Variants in CNR2 observed in about 807,000 individuals in gnomAD.
The protein encoded by CNR2 is cannabinoid receptor 2 (macrophage).
For missense variants in CNR2, 379 were observed against 439.9 expected (o/e 0.86, Z 1.24); for synonymous variants, 172 against 182.2 (o/e 0.94, Z 0.45).
intron 1 of CNR2, among the ~76,000 whole-genome samples, chr1:23,911,716 C>G (rs377608008): frequency 2.0e-4 from 31 of 152,272 alleles, no homozygotes; most frequent in African/African-American, 7.2e-4. Flanking sequence ...CTCTGCTTGG[C>G]TGAGCCAGGC....
intron 1 of CNR2, among the ~76,000 whole-genome samples, chr1:23,903,600 C>A (rs933275130): frequency 2.7e-4 from 39 of 144,110 alleles, no homozygotes; most frequent in Middle Eastern, 3.6e-3. Flanking sequence ...AAAAGCATTT[C>A]TTTTTAACGT....
rs754091476 is a variant in CNR2 at position 23,874,875 on chromosome 1, C to T, written c.743G>A (p.Gly248Glu). The T allele has an allele frequency of 2.5e-6, 4 of 1,614,036 alleles. No individual in the cohort carries two copies. The South Asian group carries it at 3.3e-5, about 13-fold the overall frequency. The change falls in exon 2 of 2, where the codon GGG becomes GAG. Residue 248 changes from glycine to glutamate, a missense_variant. By Grantham distance (98) the Gly-to-Glu change is moderately conservative. Coordinates refer to ENST00000374472, the MANE Select transcript of CNR2 (RefSeq NM_001841.3). ...RLDVRLAKTL[G>E]LVLAVLLICW... is the part of the protein sequence containing the mutation. ...GATGAGGAGCACAGCCAACACTAGC[C>T]CTAGGGTCTTGGCCAACCTCACATC...
In CNR2 at chr1:23,873,803, C is replaced by T. The variant is rs1639809571; in HGVS notation, c.*732G>A. ...ACATTGCCTGCTTCCAGCAGCACCACCAGGACTGCTGCTGGAAGGACTTCA... is the reference window on the plus strand; with the variant it reads ...ACATTGCCTGCTTCCAGCAGCACCATCAGGACTGCTGCTGGAAGGACTTCA... On this transcript the variant is annotated 3_prime_UTR_variant, in exon 2 of 2. Coordinates refer to ENST00000374472, the MANE Select transcript of CNR2 (RefSeq NM_001841.3). 1.3e-5 allele frequency: 2 copies of T among 152,122 alleles called. No homozygotes were observed. 9.4% of individuals were successfully genotyped at this position (152,122 alleles called of 1,614,324 possible).
intron 1 of CNR2, among the ~76,000 whole-genome samples, chr1:23,895,655 C>T (rs199752359): frequency 7.9e-4 from 120 of 152,222 alleles, no homozygotes; most frequent in Middle Eastern, 3.4e-3. Flanking sequence ...TACAGGTGCG[C>T]GCCACCACAC....
chr1:23,902,087 G>A (rs1640409378), intron 1 of CNR2: 1 of 1,509,762 alleles, frequency 6.6e-7, no homozygotes, highest in Non-Finnish European at 9.2e-7. Flanking sequence ...GTTGGAATTC[G>A]GATCAGATAG....
intron 1 of CNR2, among the ~76,000 whole-genome samples, chr1:23,881,567 G>C: frequency 7.0e-6 from 1 of 143,570 alleles, no homozygotes; most frequent in East Asian, 2.1e-4. Context: ...CTGGGCAACA[G>C]AGTGAAACCC....
chr1:23,903,085 C>CGGA (rs977045593), intron 1 of CNR2, among the ~76,000 whole-genome samples: 1 of 151,702 alleles, frequency 6.6e-6, no homozygotes, highest in African/African-American at 2.4e-5. Context: ...TCATGGGCGG[C>CGGA]GGCGGCGGCG....
chr1:23,887,187 C>T (rs921725012), intron 1 of CNR2, among the ~76,000 whole-genome samples: 1 of 152,202 alleles, frequency 6.6e-6, no homozygotes, highest in East Asian at 1.9e-4. Flanking sequence ...CAGCTCACCT[C>T]TCCACCCTGG....
chr1:23,876,275 C>T (rs1255490447), intron 1 of CNR2, among the ~76,000 whole-genome samples: 9 of 151,056 alleles, frequency 6.0e-5, no homozygotes, highest in South Asian at 2.1e-4. Flanking sequence ...GGTGTGATCT[C>T]GGCTCACTGT....
chr1:23,906,259 G>A (rs1007206356), intron 1 of CNR2, among the ~76,000 whole-genome samples: 15 of 151,968 alleles, frequency 9.9e-5, no homozygotes, highest in African/African-American at 2.4e-4. Flanking sequence ...GTGTTCTCTC[G>A]TGCAAATTAC....
chr1:23,890,628 C>T (rs1471212637), intron 1 of CNR2, among the ~76,000 whole-genome samples: 1 of 151,810 alleles, frequency 6.6e-6, no homozygotes, highest in Non-Finnish European at 1.5e-5. Flanking sequence ...TCTTGTAATC[C>T]CAGCTACTCG....
At chr1:23,909,285 T>C (rs1014171759) in intron 1 of CNR2, among the ~76,000 whole-genome samples, 5 of 152,072 alleles carry the variant, frequency 3.3e-5, no homozygotes, top group African/African-American at 1.2e-4. Context: ...ACATCCTTTC[T>C]CTCCCCAGGA....
intron 1 of CNR2, among the ~76,000 whole-genome samples, chr1:23,905,480 A>C (rs1310913058): frequency 6.6e-6 from 1 of 150,568 alleles, no homozygotes; most frequent in Admixed American, 6.6e-5. Flanking sequence ...GCGCCCAGCC[A>C]TCTTTGCACT....
intron 1 of CNR2, chr1:23,901,521 C>G: frequency 3.1e-6 from 5 of 1,602,092 alleles, no homozygotes; most frequent in South Asian, 1.1e-5. Flanking sequence ...ACCCCAGTCC[C>G]GTTGGTGCTG....
At chr1:23,902,156 T>C (rs976743582) in intron 1 of CNR2, 3 of 1,417,640 alleles carry the variant, frequency 2.1e-6, no homozygotes, top group Non-Finnish European at 3.0e-6. Flanking sequence ...CCCTGCCTCT[T>C]GCACTCTGCC....
intron 1 of CNR2, among the ~76,000 whole-genome samples, chr1:23,900,447 GAC>G (rs1640378904): frequency 1.3e-5 from 2 of 151,220 alleles, no homozygotes; most frequent in Non-Finnish European, 2.9e-5. Context: ...GAGGCTTATA[GAC>G]GGAGGGGCAT....
intron 1 of CNR2, among the ~76,000 whole-genome samples, chr1:23,906,585 C>T (rs1640490121): frequency 6.8e-6 from 1 of 147,854 alleles, no homozygotes; most frequent in African/African-American, 2.5e-5. Context: ...CCACGTTGCC[C>T]ACGTTGGTCT....
chr1:23,874,528 G>A lies in CNR2; in HGVS notation c.*7C>T, dbSNP rs367701893. On this transcript the variant is annotated 3_prime_UTR_variant, in exon 2 of 2. Transcript: ENST00000374472. ...ACTTGAGTTGTTTAAATTGGGAAGAGGCCTCATCAGCAATCAGAGAGGTCT... is the reference window on the plus strand; with the variant it reads ...ACTTGAGTTGTTTAAATTGGGAAGAAGCCTCATCAGCAATCAGAGAGGTCT... 1 of 1,607,516 alleles carries A rather than the reference G, an allele frequency of 6.2e-7. No individual in the cohort carries two copies. Among genetic ancestry groups the A allele is most frequent in the Non-Finnish European group, 8.5e-7 (1 of 1,176,634 alleles).
intron 1 of CNR2, among the ~76,000 whole-genome samples, chr1:23,880,315 C>T (rs1325314961): frequency 4.6e-5 from 7 of 151,924 alleles, no homozygotes; most frequent in South Asian, 2.1e-4. Flanking sequence ...GTAGCTGGGA[C>T]TACAGGCGCA....
Sources: allele counts gnomAD v4.1 joint callset (sites outside exome capture counted in the v4.1 genomes callset), GRCh38; gene constraint gnomAD v4.1.1; transcripts MANE v1.5; gene names NCBI Gene and HGNC (gene_info 2026-07-23, HGNC 2026-07-21).